CD247: variants seen among roughly 807,000 people sequenced by gnomAD.
The protein encoded by CD247 is CD247 molecule, also known as T-cell surface glycoprotein CD3 zeta chain.
Under a neutral mutation model 30.0 loss-of-function variants are expected in CD247, and 13 were observed. The observed-to-expected ratio is 0.43, with a 90% CI of 0.28 to 0.69. The LOEUF is 0.69. Among genes scored for constraint, CD247 ranks in the 30% least tolerant of loss-of-function variants. The pLI, the probability that CD247 is intolerant of heterozygous loss-of-function variation, is 0.16. For synonymous variants in CD247, 72 were observed against 80.0 expected (o/e 0.90, Z 0.53); for missense variants, 193 against 212.6 (o/e 0.91, Z 0.57).
In CD247 at chr1:167,445,018, C is replaced by T. The variant is rs532012115; in HGVS notation, c.59-4251G>A. ...TCAGCTCACTGCAACCTCTGCCTCCCAGGTTCAAGTGATTCTCCTGCCTCA... is the reference window on the plus strand; with the variant it reads ...TCAGCTCACTGCAACCTCTGCCTCCTAGGTTCAAGTGATTCTCCTGCCTCA... On this transcript the variant is annotated intron_variant, in intron 1 of 7. Coordinates refer to ENST00000362089, the MANE Select transcript of CD247 (RefSeq NM_198053.3). 1.7e-4 allele frequency among the ~76,000 whole-genome samples: 26 copies of T among 152,068 alleles called. No individual in the cohort carries two copies. The South Asian group carries it at 4.0e-3, about 23-fold the overall frequency.
chr1:167,441,804 G>A (rs954351186), intron 1 of CD247, among the ~76,000 whole-genome samples: 2 of 152,204 alleles, frequency 1.3e-5, no homozygotes, highest in Non-Finnish European at 2.9e-5. Context: ...TAAATACTCT[G>A]GTTAAATAAA....
chr1:167,470,504 TAAAA>T (rs55679205), intron 1 of CD247, among the ~76,000 whole-genome samples: 7 of 122,474 alleles, frequency 5.7e-5, no homozygotes, highest in Non-Finnish European at 9.7e-5. Flanking sequence ...ATGTTAATTG[TAAAA>T]AAAAAAAAAA....
intron 1 of CD247, among the ~76,000 whole-genome samples, chr1:167,504,784 T>C (rs1305668521): frequency 6.6e-6 from 1 of 152,206 alleles, no homozygotes; most frequent in Non-Finnish European, 1.5e-5. Context: ...ATGGGCTTCA[T>C]TAAAAAGCCC....
rs1260010639 is a variant in CD247, at chr1:167,494,008, A to G, written c.58+24400T>C. The stretch of plus-strand genomic sequence containing the variant: ...TCTGCAGGTGCAGCCTCCGGGACCC[A>G]GGACTTTCTTCTCAGGGCTCTGCTG... On this transcript the variant is annotated intron_variant, in intron 1 of 7. Coordinates refer to ENST00000362089, the MANE Select transcript of CD247 (RefSeq NM_198053.3). This position sits in a 1 kb window ranked among gnomAD's most constrained non-coding sequence, Gnocchi z 7.3. Among the ~76,000 whole-genome samples, 1 of 152,118 alleles carries G rather than the reference A, an allele frequency of 6.6e-6. No homozygotes were observed. The highest frequency in any genetic ancestry group is 2.4e-5 in the African/African-American group (1 of 41,402).
chr1:167,465,392 G>A (rs1653200115), intron 1 of CD247, among the ~76,000 whole-genome samples: 1 of 144,528 alleles, frequency 6.9e-6, no homozygotes, highest in South Asian at 2.2e-4. Context: ...GTGCAGTGGT[G>A]ATCTCAGCTC....
At chr1:167,485,501 T>C (rs150410906) in intron 1 of CD247, among the ~76,000 whole-genome samples, 70 of 152,164 alleles carry the variant, frequency 4.6e-4, no homozygotes, top group African/African-American at 1.6e-3. Context: ...AAACCTAGTC[T>C]AGGGTGTGGA....
intron 1 of CD247, chr1:167,448,332 T>G: frequency 1.0e-6 from 1 of 984,476 alleles, no homozygotes; most frequent in Non-Finnish European, 1.2e-6. Flanking sequence ...TAACCACCAC[T>G]TGGTACTGAC....
At chr1:167,506,862 T>C (rs1287211019) in intron 1 of CD247, among the ~76,000 whole-genome samples, 2 of 151,838 alleles carry the variant, frequency 1.3e-5, no homozygotes, top group Admixed American at 6.6e-5. Flanking sequence ...CAGAACTCCA[T>C]TAAATATGGC....
chr1:167,517,800 G>A (rs529937020), intron 1 of CD247, among the ~76,000 whole-genome samples: 44 of 152,298 alleles, frequency 2.9e-4, no homozygotes, highest in African/African-American at 1.0e-3. Context: ...AGACACGGAC[G>A]CTTGGCCATG....
chr1:167,473,864 C>A (rs766134478), intron 1 of CD247, among the ~76,000 whole-genome samples: 1 of 152,208 alleles, frequency 6.6e-6, no homozygotes, highest in African/African-American at 2.4e-5. Flanking sequence ...CACTGACTCA[C>A]GGATCTGCTA....
chr1:167,471,831 C>CTTTTTTTTTTTTTTTTTTTTTTTTTCT (rs111891678), intron 1 of CD247, among the ~76,000 whole-genome samples: 1 of 117,190 alleles, frequency 8.5e-6, no homozygotes, highest in South Asian at 2.8e-4. Context: ...CTGTTTCTTT[C>CTTTTTTTTTTTTTTTTTTTTTTTTTCT]TTTTTTTTTT....
At chr1:167,517,062 C>A (rs1294914511) in intron 1 of CD247, among the ~76,000 whole-genome samples, 1 of 152,206 alleles carries the variant, frequency 6.6e-6, no homozygotes, top group South Asian at 2.1e-4. Context: ...TAAATTCCAG[C>A]GTTCTGGGTC....
In CD247 at chr1:167,440,701, T is replaced by C; in HGVS notation, c.125A>G (p.Tyr42Cys). The C allele has an allele frequency of 6.2e-7, 1 of 1,613,778 alleles. No individual in the cohort carries two copies. The highest frequency in any genetic ancestry group is 8.5e-7 in the Non-Finnish European group (1 of 1,179,802). ...CYLLDGILFIYGVILTALFLR... is the reference protein window; with the variant it reads ...CYLLDGILFICGVILTALFLR... ...GAACAAGGCAGTGAGAATGACACCA[T>C]AGATGAAGAGGATTCCATCCAGCAG... Residue 42 changes from tyrosine to cysteine, a missense_variant, in exon 2 of 8, where the codon TAT becomes TGT. Tyr to Cys is a radical substitution (Grantham distance 194, BLOSUM62 -2). Transcript: ENST00000362089.
At chr1:167,442,559 C>T (rs185395189) in intron 1 of CD247, among the ~76,000 whole-genome samples, 18 of 152,302 alleles carry the variant, frequency 1.2e-4, no homozygotes, top group Admixed American at 1.0e-3. Flanking sequence ...ACCGAGTATT[C>T]GGGTTCAGAG....
At chr1:167,504,990 A>G (rs1221005929) in intron 1 of CD247, among the ~76,000 whole-genome samples, 1 of 152,242 alleles carries the variant, frequency 6.6e-6, no homozygotes, top group East Asian at 1.9e-4. Flanking sequence ...AAGAGTCCTC[A>G]CAATACCAAA....
At chr1:167,461,165 T>C (rs560368227) in intron 1 of CD247, among the ~76,000 whole-genome samples, 317 of 152,316 alleles carry the variant, frequency 2.1e-3, no homozygotes, top group African/African-American at 7.1e-3. Context: ...CTTTCTCCCA[T>C]GGGAGGGAGT....
At chr1:167,438,543 C>T in intron 4 of CD247, 27 bp downstream of exon 4, 1 of 1,585,904 alleles carries the variant, frequency 6.3e-7, no homozygotes, top group Non-Finnish European at 8.7e-7. Context: ...CATGCAGGAA[C>T]ACACAGGAAG....
intron 1 of CD247, among the ~76,000 whole-genome samples, chr1:167,471,357 A>G (rs1653515248): frequency 6.6e-6 from 1 of 152,178 alleles, no homozygotes; most frequent in East Asian, 1.9e-4. Context: ...AGAAAGACAA[A>G]ACCAATTTAC....
At chr1:167,501,179 C>T (rs1441397811) in intron 1 of CD247, among the ~76,000 whole-genome samples, 2 of 151,698 alleles carry the variant, frequency 1.3e-5, no homozygotes, top group African/African-American at 2.4e-5. Flanking sequence ...CTCAGCCTCC[C>T]GAGTAGCTGG....
Sources: allele counts gnomAD v4.1 joint callset (sites outside exome capture counted in the v4.1 genomes callset), GRCh38; gene constraint gnomAD v4.1.1; non-coding constraint Gnocchi (gnomAD v3.1); transcripts MANE v1.5; gene names NCBI Gene and HGNC (gene_info 2026-07-23, HGNC 2026-07-21).